Variants in TMEM131L observed in about 807,000 individuals in gnomAD.
TMEM131L encodes the protein transmembrane 131 like, also known as transmembrane protein 131-like.
A neutral mutation model predicts 192.2 loss-of-function variants in TMEM131L; 54 were observed. That is an observed-to-expected ratio of 0.28 (90% CI 0.23 to 0.35). TMEM131L has a LOEUF of 0.35. TMEM131L is among the 10% of genes least tolerant of loss of function. TMEM131L has a pLI of 1.00. For synonymous variants in TMEM131L, 701 were observed against 704.9 expected (o/e 0.99, Z 0.09); for missense variants, 1,888 against 1,972.9 (o/e 0.96, Z 0.82).
chr4:153,634,117 A>G lies in TMEM131L; in HGVS notation c.4329-75A>G. 5 of 1,259,810 alleles carry G rather than the reference A, an allele frequency of 4.0e-6. No homozygotes were observed. The South Asian group carries it at 6.0e-5, about 15-fold the overall frequency. The allele number at this position is 1,259,810 out of a possible 1,614,324, so 78.0% of individuals were successfully genotyped here. A position where few individuals can be genotyped will look rare whatever the true frequency, so the allele number is the denominator to read the frequency against. ...CACAGTGATTAGGATGCTAGGCAGT[A>G]AAATCATTTTCCATTTTCTTTACTT... is the stretch of plus-strand genomic sequence containing the variant. On this transcript the variant is annotated intron_variant, in intron 32 of 34. Coordinates refer to ENST00000409959, the MANE Select transcript of TMEM131L (RefSeq NM_001131007.2).
At chr4:153,576,184 TCTC>T (rs1729927439) in intron 7 of TMEM131L, among the ~76,000 whole-genome samples, 1 of 152,116 alleles carries the variant, frequency 6.6e-6, no homozygotes, top group African/African-American at 2.4e-5. Flanking sequence ...ATGGTCTTGA[TCTC>T]CTGACCTCGT....
intron 3 of TMEM131L, among the ~76,000 whole-genome samples, chr4:153,494,918 C>T (rs900401299): frequency 6.6e-6 from 1 of 152,186 alleles, no homozygotes; most frequent in Admixed American, 6.6e-5. Flanking sequence ...TCACCCTTTA[C>T]CTGCGTGATC....
rs531888362 is a variant in TMEM131L, at chr4:153,498,566, G to A, written c.239+24678G>A. Among the ~76,000 whole-genome samples, 7 of 152,278 alleles carry A rather than the reference G, an allele frequency of 4.6e-5. No homozygotes were observed. In the South Asian group the frequency reaches 1.5e-3, roughly 32 times the overall value. ...GTGTGTATTTTTGGAGGTGGGTAGGGAAGTGGGGGGTGAGCAGAGTTCTTT... is the reference window on the plus strand; with the variant it reads ...GTGTGTATTTTTGGAGGTGGGTAGGAAAGTGGGGGGTGAGCAGAGTTCTTT... On this transcript the variant is annotated intron_variant, in intron 3 of 34. Coordinates refer to ENST00000409959, the MANE Select transcript of TMEM131L (RefSeq NM_001131007.2).
intron 7 of TMEM131L, among the ~76,000 whole-genome samples, chr4:153,566,352 G>A (rs1729195349): frequency 6.6e-6 from 1 of 152,002 alleles, no homozygotes; most frequent in South Asian, 2.1e-4. Context: ...AGCCAGGATG[G>A]TCTTGATCTC....
chr4:153,588,272 G>GTT (rs536641354), intron 15 of TMEM131L, among the ~76,000 whole-genome samples: 3 of 126,110 alleles, frequency 2.4e-5, no homozygotes, highest in Admixed American at 1.5e-4. Flanking sequence ...CTTGTTTTGA[G>GTT]TTTTTTTTTT....
chr4:153,585,325 G>A (rs1561215298), intron 12 of TMEM131L, 133 bp from the exon 13 acceptor site: 11 of 898,598 alleles, frequency 1.2e-5, no homozygotes, highest in Admixed American at 4.9e-5. Flanking sequence ...GGCGATTGCC[G>A]AGGTTGTCTC....
chr4:153,549,519 T>C (rs1580191269), intron 3 of TMEM131L, among the ~76,000 whole-genome samples: 1 of 152,228 alleles, frequency 6.6e-6, no homozygotes. Flanking sequence ...TTTTCTGCTA[T>C]ATTGATTTGT....
intron 8 of TMEM131L, 134 bp from the exon 9 acceptor site, chr4:153,581,273 T>TAAAAC: frequency 1.5e-6 from 1 of 669,142 alleles, no homozygotes; most frequent in Non-Finnish European, 2.3e-6. Flanking sequence ...TAAAATAAAA[T>TAAAAC]AAAACACAAA....
chr4:153,605,877 G>A (rs1017676532), intron 25 of TMEM131L, among the ~76,000 whole-genome samples: 4 of 152,178 alleles, frequency 2.6e-5, no homozygotes, highest in African/African-American at 9.7e-5. Context: ...TTAAAAGAAA[G>A]TTGGAGTCCT....
chr4:153,610,440 C>A (rs538273194), intron 25 of TMEM131L, among the ~76,000 whole-genome samples: 5 of 152,110 alleles, frequency 3.3e-5, no homozygotes, highest in South Asian at 4.1e-4. Flanking sequence ...TTTCTGTATT[C>A]ATTTTGTGAC....
chr4:153,538,001 A>T (rs1243411289), intron 3 of TMEM131L, among the ~76,000 whole-genome samples: 1 of 152,182 alleles, frequency 6.6e-6, no homozygotes, highest in Non-Finnish European at 1.5e-5. Flanking sequence ...GAACAACTTT[A>T]AGTAGAGCGG....
intron 29 of TMEM131L, among the ~76,000 whole-genome samples, chr4:153,623,571 T>G (rs576597549): frequency 1.6e-4 from 24 of 152,362 alleles, no homozygotes; most frequent in African/African-American, 5.5e-4. Flanking sequence ...ATCTGCCTAC[T>G]CTGGCTATCT....
intron 30 of TMEM131L, among the ~76,000 whole-genome samples, chr4:153,626,806 G>A (rs1418655607): frequency 1.3e-5 from 2 of 152,184 alleles, no homozygotes; most frequent in East Asian, 1.9e-4. Flanking sequence ...GGAGGAAGCA[G>A]TAGTTATTAT....
chr4:153,615,669 G>A (rs945921607), intron 26 of TMEM131L, among the ~76,000 whole-genome samples: 13 of 152,192 alleles, frequency 8.5e-5, no homozygotes, highest in African/African-American at 3.1e-4. Context: ...ATGGGCTTTG[G>A]AGTCTTACCT....
rs1442823071 is a variant in TMEM131L at position 153,598,702 on chromosome 4, C to G, written c.2236C>G (p.Pro746Ala). Residue 746 changes from proline to alanine, a missense_variant, in exon 21 of 35, where the codon CCC (proline) becomes GCC (alanine). Pro to Ala is a conservative substitution (Grantham distance 27). Coordinates refer to ENST00000409959, the MANE Select transcript of TMEM131L (RefSeq NM_001131007.2). Reference protein sequence around the residue: ...GAGGSLRFKVPESTLMDCRRQ... With the variant: ...GAGGSLRFKVAESTLMDCRRQ... ...AGGAGGCTCACTCCGATTTAAGGTG[C>G]CCGAGTCCACGCTGATGGACTGCCG... 6.2e-7 allele frequency: 1 copy of G among 1,613,668 alleles called. No homozygotes were observed. The highest frequency in any genetic ancestry group is 1.3e-5 in the African/African-American group (1 of 74,874).
intron 30 of TMEM131L, 142 bp downstream of exon 30, chr4:153,626,367 T>C (rs1476345979): frequency 2.9e-5 from 18 of 610,572 alleles, no homozygotes; most frequent in Middle Eastern, 4.2e-4. Flanking sequence ...AATCTGATTT[T>C]ATTAATTCAG....
At position 153,603,446 on chromosome 4, in the gene TMEM131L, C is replaced by A; in HGVS notation, c.2783C>A (p.Ser928Tyr). The stretch of plus-strand genomic sequence containing the variant: ...CCTATGGATGTAATCAGCCCCCATT[C>A]TTACAAGTAAGAATTCTTATAGTGT... ...NGPMDVISPH[S>Y]YKSNCKNFLD... The change falls in exon 24 of 35, where the codon TCT (serine) becomes TAT (tyrosine). Residue 928 changes from serine (S) to tyrosine (Y), a missense_variant. By Grantham distance (144) the Ser-to-Tyr change is moderately radical (BLOSUM62 -2). Coordinates refer to ENST00000409959, the MANE Select transcript of TMEM131L (RefSeq NM_001131007.2). The A allele has an allele frequency of 6.2e-7, 1 of 1,613,294 alleles. No homozygotes were observed. Among genetic ancestry groups the A allele is most frequent in the Non-Finnish European group, 8.5e-7 (1 of 1,179,762 alleles).
intron 4 of TMEM131L, among the ~76,000 whole-genome samples, chr4:153,550,472 A>G (rs576999105): frequency 1.2e-3 from 179 of 151,960 alleles, no homozygotes; most frequent in Non-Finnish European, 2.0e-3. Flanking sequence ...GACTACAGGC[A>G]CCCGCCACCA....
At chr4:153,569,760 A>G (rs753656797) in intron 7 of TMEM131L, among the ~76,000 whole-genome samples, 2 of 152,248 alleles carry the variant, frequency 1.3e-5, no homozygotes, top group Admixed American at 6.5e-5. Flanking sequence ...TGAATCAACC[A>G]ATTTATTTAA....
Sources: gnomAD v4.1 joint callset for allele counts (sites outside exome capture counted in the v4.1 genomes callset) on GRCh38, gnomAD v4.1.1 for gene constraint, MANE v1.5 for transcripts, NCBI Gene and HGNC (gene_info 2026-07-23, HGNC 2026-07-21) for gene names.